CFAP100: variants seen among roughly 807,000 people sequenced by gnomAD.
CFAP100 encodes the protein cilia- and flagella-associated protein 100.
CFAP100 carries 70 observed loss-of-function variants against 81.5 expected under a neutral mutation model. The ratio of observed to expected loss-of-function variants is 0.86; its 90% CI spans 0.71 to 1.05. CFAP100 has a LOEUF of 1.05. CFAP100 is among the 50% of genes least tolerant of loss of function. CFAP100 has a pLI of 0.00. For missense variants in CFAP100, 811 were observed against 776.5 expected (o/e 1.04, Z -0.53); for synonymous variants, 341 against 314.8 (o/e 1.08, Z -0.88).
chr3:126,409,309 CAT>C (rs1421060957), intron 3 of CFAP100, among the ~76,000 whole-genome samples: 1 of 152,262 alleles, frequency 6.6e-6, no homozygotes, highest in Non-Finnish European at 1.5e-5. Context: ...GAAGCATCCA[CAT>C]TGCTGCACCT....
At chr3:126,409,917 C>T (rs2083128061) in intron 3 of CFAP100, among the ~76,000 whole-genome samples, 1 of 152,186 alleles carries the variant, frequency 6.6e-6, no homozygotes. Flanking sequence ...TAAAAAGTTC[C>T]TGGCTGGGCA....
rs552681269 is a variant in CFAP100 at position 126,407,429 on chromosome 3, T to A, written c.130+177T>A. Among the ~76,000 whole-genome samples, 53 of 152,332 alleles carry A rather than the reference T, an allele frequency of 3.5e-4. No homozygotes were observed. The South Asian group carries it at 9.1e-3, about 26-fold the overall frequency. On this transcript the variant is annotated intron_variant, in intron 3 of 16. Transcript: ENST00000352312. ...GGCATGTAAACAAAGTAGGATTTAT[T>A]GCTCCCTCTGTTAATGAGAAATGTG...
At chr3:126,428,612 A>C (rs369518425) in intron 13 of CFAP100, among the ~76,000 whole-genome samples, 1 of 152,152 alleles carries the variant, frequency 6.6e-6, no homozygotes, top group Non-Finnish European at 1.5e-5. Context: ...TGCATGTGTT[A>C]GGGTGAGGTG....
chr3:126,423,538 T>C lies in CFAP100; in HGVS notation c.1180T>C (p.Phe394Leu). The change falls in exon 13 of 17, where the codon TTC (phenylalanine) becomes CTC (leucine). Residue 394 changes from phenylalanine (F) to leucine (L), a missense_variant. Phe to Leu is a conservative substitution (Grantham distance 22). Coordinates refer to ENST00000352312, the MANE Select transcript of CFAP100 (RefSeq NM_182628.3). ...GGAGCCCCAGCAGCTCCTGGATGTC[T>C]TCCGAGAGCTGGAGGAGCAGAACCT... The part of the protein sequence containing the change: ...FTEPQQLLDV[F>L]RELEEQNLSL... The C allele has an allele frequency of 6.2e-7, 1 of 1,614,150 alleles. No individual in the cohort carries two copies. Among genetic ancestry groups the C allele is most frequent in the African/African-American group, 1.3e-5 (1 of 75,040 alleles).
chr3:126,409,280 G>T (rs866397635), intron 3 of CFAP100, among the ~76,000 whole-genome samples: 2 of 152,210 alleles, frequency 1.3e-5, no homozygotes, highest in African/African-American at 4.8e-5. Context: ...TTCAGTTTTC[G>T]CTCATATCCC....
chr3:126,436,418 T>C lies in CFAP100; in HGVS notation c.*14T>C, dbSNP rs1264635740. The C allele has an allele frequency of 6.9e-6, 11 of 1,593,540 alleles. No individual in the cohort carries two copies. The highest frequency in any genetic ancestry group is 1.1e-5 in the South Asian group (1 of 89,990). ...TTCTTTACTTAATCTTCGCAGACCATAGCTGTTCTGGCTGAAGGCTTAGCA... is the reference window on the plus strand; with the variant it reads ...TTCTTTACTTAATCTTCGCAGACCACAGCTGTTCTGGCTGAAGGCTTAGCA... On this transcript the variant is annotated 3_prime_UTR_variant, in exon 17 of 17. Coordinates refer to ENST00000352312, the MANE Select transcript of CFAP100 (RefSeq NM_182628.3).
At chr3:126,435,157 A>G (rs1933393356) in intron 15 of CFAP100, among the ~76,000 whole-genome samples, 1 of 152,074 alleles carries the variant, frequency 6.6e-6, no homozygotes, top group South Asian at 2.1e-4. Context: ...GAGAGTATAT[A>G]TAGGAAGGAG....
intron 9 of CFAP100, 54 bp from the exon 10 acceptor site, chr3:126,419,898 CCTGCAGGCATCTGGGCCACATGGCGTTG>C (rs1376805954): frequency 8.7e-6 from 14 of 1,610,720 alleles, no homozygotes; most frequent in Admixed American, 5.0e-5. Context: ...TGGCAGGTTA[CCTGCAGGCATCTGGGCCACATGGCGTTG>C]CTGAAGCTTG....
chr3:126,396,383 A>C, intron 2 of CFAP100: 1 of 273,786 alleles, frequency 3.7e-6, no homozygotes. Flanking sequence ...TTTGCAGGCA[A>C]TCCTTGGTGC....
At chr3:126,424,816 GAAGGCT>G (rs1410758385) in intron 13 of CFAP100, among the ~76,000 whole-genome samples, 23 of 152,242 alleles carry the variant, frequency 1.5e-4, no homozygotes, top group Non-Finnish European at 2.9e-4. Context: ...GAGGGGTAGA[GAAGGCT>G]TCCAGGAGGT....
intron 3 of CFAP100, among the ~76,000 whole-genome samples, chr3:126,413,332 G>A (rs2083186336): frequency 6.6e-6 from 1 of 152,170 alleles, no homozygotes; most frequent in Non-Finnish European, 1.5e-5. Flanking sequence ...TGTGACACCA[G>A]AGTCACCCTC....
intron 4 of CFAP100, among the ~76,000 whole-genome samples, chr3:126,415,291 C>A (rs1350895409): frequency 6.6e-6 from 1 of 151,506 alleles, no homozygotes; most frequent in East Asian, 1.9e-4. Context: ...CAAACCATAC[C>A]CTCCCCCACC....
At chr3:126,420,292 C>A in intron 11 of CFAP100, 63 bp downstream of exon 11, 1 of 1,595,482 alleles carries the variant, frequency 6.3e-7, no homozygotes, top group Non-Finnish European at 8.5e-7. Flanking sequence ...CTTGTGGCAC[C>A]CATGTGTAGT....
At chr3:126,401,070 A>T (rs2363933) in intron 2 of CFAP100, among the ~76,000 whole-genome samples, 4,222 of 152,204 alleles carry the variant, frequency 0.028, 203 homozygotes, top group African/African-American at 0.096. Flanking sequence ...ATGCTGGTGA[A>T]ATTAGCCAAA....
intron 13 of CFAP100, among the ~76,000 whole-genome samples, chr3:126,424,396 C>T (rs2083380298): frequency 1.3e-5 from 2 of 152,236 alleles, no homozygotes; most frequent in South Asian, 2.1e-4. Flanking sequence ...CCTCCCAGTT[C>T]CAGCCAGAGA....
At chr3:126,410,536 C>CT (rs2083138398) in intron 3 of CFAP100, among the ~76,000 whole-genome samples, 1 of 151,870 alleles carries the variant, frequency 6.6e-6, no homozygotes, top group Non-Finnish European at 1.5e-5. Context: ...GGGTCTCACT[C>CT]TGTCACTCAG....
intron 14 of CFAP100, chr3:126,433,500 G>A (rs1933315196): frequency 5.7e-6 from 2 of 351,706 alleles, no homozygotes; most frequent in Non-Finnish European, 1.1e-5. Context: ...GGGAAGAGGC[G>A]TGTCCTCAAG....
rs776862604 is a variant in CFAP100 at position 126,420,092 on chromosome 3, G to T, written c.956-11G>T. 2.5e-6 allele frequency: 4 copies of T among 1,613,296 alleles called. No individual in the cohort carries two copies. The South Asian group carries it at 4.4e-5, about 18-fold the overall frequency. ...CACAGGGCTCGGAAACTATTCCTCT[G>T]CTTTCTCCAGAGGGTCAGGGTACAA... On this transcript the variant is annotated splice_polypyrimidine_tract_variant and intron_variant, in intron 10 of 16. Coordinates refer to ENST00000352312, the MANE Select transcript of CFAP100 (RefSeq NM_182628.3).
chr3:126,421,486 C>T (rs956949976), intron 11 of CFAP100, among the ~76,000 whole-genome samples: 3 of 152,200 alleles, frequency 2.0e-5, no homozygotes, highest in Non-Finnish European at 4.4e-5. Flanking sequence ...TGCTTTTTAT[C>T]GGCTTGGATA....
Sources: allele counts gnomAD v4.1 joint callset (sites outside exome capture counted in the v4.1 genomes callset), GRCh38; gene constraint gnomAD v4.1.1; transcripts MANE v1.5; gene names NCBI Gene and HGNC (gene_info 2026-07-23, HGNC 2026-07-21).